Variants in MYH14 observed in about 807,000 individuals in gnomAD.
MYH14 encodes myosin-14.
MYH14 carries 123 observed loss-of-function variants against 255.5 expected under a neutral mutation model. That is an observed-to-expected ratio of 0.48 (90% CI 0.42 to 0.56). The LOEUF (loss-of-function observed/expected upper bound fraction) is 0.56. Among genes scored for constraint, MYH14 ranks in the 20% least tolerant of loss-of-function variants. The pLI is 0.00. For missense variants in MYH14, 2,423 were observed against 2,802.3 expected (o/e 0.86, Z 3.06); for synonymous variants, 1,095 against 1,161.2 (o/e 0.94, Z 1.16).
chr19:50,225,829 G>A (rs1298091039), intron 7 of MYH14, among the ~76,000 whole-genome samples, 152 bp downstream of exon 7: 168 of 133,216 alleles, frequency 1.3e-3, no homozygotes, highest in Middle Eastern at 4.1e-3. Flanking sequence ...GGGGCTGGGG[G>A]CCTGGACCCC....
Position 50,309,197 on chromosome 19 carries a change from A to G in MYH14, c.5960+20A>G. ...GCTTCGGTATGGTCATCCCACGTACAGGCCTGACGGGTGGGGAGCACCCTA... is the reference window on the plus strand; with the variant it reads ...GCTTCGGTATGGTCATCCCACGTACGGGCCTGACGGGTGGGGAGCACCCTA... On this transcript the variant is annotated intron_variant, in intron 42 of 42. Coordinates refer to ENST00000642316, the MANE Select transcript of MYH14 (RefSeq NM_001145809.2). 2 of 1,612,580 alleles carry G rather than the reference A, an allele frequency of 1.2e-6. No individual in the cohort carries two copies. The highest frequency in any genetic ancestry group is 1.7e-6 in the Non-Finnish European group (2 of 1,178,680).
intron 29 of MYH14, among the ~76,000 whole-genome samples, chr19:50,277,370 C>T (rs1247957274): frequency 6.6e-6 from 1 of 152,108 alleles, no homozygotes; most frequent in African/African-American, 2.4e-5. Context: ...CTTTGGGAGG[C>T]TGAGGCAGGC....
chr19:50,224,141 G>A lies in MYH14; in HGVS notation c.694-13G>A, dbSNP rs755612727. On this transcript the variant is annotated splice_polypyrimidine_tract_variant and intron_variant, in intron 5 of 42. Transcript: ENST00000642316. ...TGTCCTGGTCCGTGTCTCGTGTCCC[G>A]TGACTTCCTCAGGCCTCCGTCAGCA... The A allele has an allele frequency of 1.9e-5, 31 of 1,605,908 alleles. No homozygotes were observed. Among genetic ancestry groups the A allele is most frequent in the East Asian group, 9.0e-5 (4 of 44,402 alleles).
At chr19:50,290,571 A>G (rs932742493) in intron 35 of MYH14, among the ~76,000 whole-genome samples, 2 of 152,154 alleles carry the variant, frequency 1.3e-5, no homozygotes, top group Non-Finnish European at 2.9e-5. Flanking sequence ...TGACTTAGAC[A>G]TGGCTGAGTG....
chr19:50,301,739 C>T lies in MYH14; in HGVS notation c.5548C>T (p.Arg1850Trp), dbSNP rs201474958. The change falls in exon 40 of 43, where the codon CGG becomes TGG. Residue 1850 changes from arginine to tryptophan, a missense_variant. By Grantham distance (101) the Arg-to-Trp change is moderately radical. Transcript: ENST00000642316. ...AGAGAGCGGGCGGCAGCAGCTGGAA[C>T]GGCAGATCCAGGAGCTACGGGGACG... ...KAESGRQQLE[R>W]QIQELRGRLG... 23 of 1,613,914 alleles carry T rather than the reference C, an allele frequency of 1.4e-5. No homozygotes were observed. In the Middle Eastern group the frequency reaches 5.0e-4, roughly 35 times the overall value.
Position 50,272,547 on chromosome 19 carries a change from C to T in MYH14, c.3296-13C>T, listed in dbSNP as rs564779542. Reference sequence around the variant, plus strand: ...CTGGAGTCCTCATGCACGGCCCCCACCCCTGCCTCCAGACCGCCTACGGAA... The same window carrying T: ...CTGGAGTCCTCATGCACGGCCCCCATCCCTGCCTCCAGACCGCCTACGGAA... On this transcript the variant is annotated splice_polypyrimidine_tract_variant and intron_variant, in intron 26 of 42. Coordinates refer to ENST00000642316, the MANE Select transcript of MYH14 (RefSeq NM_001145809.2). 23 of 1,559,616 alleles carry T rather than the reference C, an allele frequency of 1.5e-5. No homozygotes were observed. The highest frequency in any genetic ancestry group is 5.8e-5 in the Admixed American group (3 of 51,660).
chr19:50,247,269 G>A (rs1457944407), intron 12 of MYH14, 147 bp downstream of exon 12: 4 of 613,962 alleles, frequency 6.5e-6, no homozygotes, highest in East Asian at 5.6e-5. Context: ...GGTGCCAGGC[G>A]TAAAAGCAGT....
intron 10 of MYH14, among the ~76,000 whole-genome samples, chr19:50,241,433 C>G (rs1324263528): frequency 1.3e-5 from 2 of 150,724 alleles, no homozygotes; most frequent in Admixed American, 1.3e-4. Context: ...GACTCTATCT[C>G]AAAAGAAAAA....
intron 1 of MYH14, 49 bp from the exon 2 acceptor site, chr19:50,210,313 CG>C: frequency 2.7e-6 from 4 of 1,487,242 alleles, no homozygotes; most frequent in East Asian, 2.6e-5. Context: ...AAGGGAGGCC[CG>C]GGGGACGGAG....
chr19:50,236,151 A>G (rs546897885), intron 10 of MYH14, among the ~76,000 whole-genome samples: 41 of 151,552 alleles, frequency 2.7e-4, no homozygotes, highest in Non-Finnish European at 4.4e-4. Context: ...GGGCAACATG[A>G]TGCAACCTCG....
Position 50,252,580 on chromosome 19 carries a change from AAATCCAGAGAATGTCTGAGCCTGC to A in MYH14, c.1831-56_1831-33del. The A allele has an allele frequency of 8.2e-7, 1 of 1,224,924 alleles. No individual in the cohort carries two copies. Among genetic ancestry groups the A allele is most frequent in the Non-Finnish European group, 1.2e-6 (1 of 849,922 alleles). 75.9% of individuals were successfully genotyped at this position (1,224,924 alleles called of 1,614,324 possible). A position where few individuals can be genotyped will look rare whatever the true frequency, so the allele number is the denominator to read the frequency against. On this transcript the variant is annotated intron_variant, in intron 15 of 42. Coordinates refer to ENST00000642316, the MANE Select transcript of MYH14 (RefSeq NM_001145809.2). This position sits in a 1 kb window ranked among gnomAD's most constrained non-coding sequence, Gnocchi z 4.2. ...CAGAGCTTCTGGAAGGCTCCTTAGG[AAATCCAGAGAATGTCTGAGCCTGC>A]AAGTCATCGCCCTCCTCTACCTGAC...
intron 2 of MYH14, 78 bp from the exon 3 acceptor site, chr19:50,217,537 G>GA: frequency 1.3e-6 from 2 of 1,553,172 alleles, no homozygotes; most frequent in Non-Finnish European, 8.9e-7. Context: ...TGCAGTGCAC[G>GA]GCCTGCTCAG....
chr19:50,247,191 G>A, intron 12 of MYH14, 69 bp downstream of exon 12: 3 of 1,103,194 alleles, frequency 2.7e-6, no homozygotes, highest in Non-Finnish European at 4.1e-6. Flanking sequence ...TTTAAACAGT[G>A]TATGCTGTTT....
At chr19:50,210,965 G>C (rs1297302476) in intron 2 of MYH14, among the ~76,000 whole-genome samples, 195 bp downstream of exon 2, 1 of 152,176 alleles carries the variant, frequency 6.6e-6, no homozygotes, top group Non-Finnish European at 1.5e-5. Flanking sequence ...GAACCTACTG[G>C]GGACATTGCA....
intron 33 of MYH14, among the ~76,000 whole-genome samples, chr19:50,283,471 T>C (rs904266606): frequency 1.3e-5 from 2 of 152,246 alleles, no homozygotes; most frequent in African/African-American, 4.8e-5. Context: ...CAATAATGTA[T>C]TCCATGTATC....
chr19:50,257,176 G>A, intron 17 of MYH14, 123 bp from the exon 18 acceptor site: 2 of 722,626 alleles, frequency 2.8e-6, no homozygotes, highest in Middle Eastern at 4.0e-4. Flanking sequence ...CTTACAGGCT[G>A]TGTGAGGTCC....
At chr19:50,281,541 C>T in intron 32 of MYH14, 53 bp from the exon 33 acceptor site, 1 of 1,522,918 alleles carries the variant, frequency 6.6e-7, no homozygotes, top group Non-Finnish European at 8.8e-7. Context: ...CCAGCTTACA[C>T]CTTGGTCACT....
chr19:50,291,117 G>T, intron 36 of MYH14, 69 bp downstream of exon 36: 1 of 1,522,324 alleles, frequency 6.6e-7, no homozygotes. Context: ...TCACTCCAGG[G>T]TCTAAGGCTA....
At position 50,310,396 on chromosome 19, in the gene MYH14, AC is replaced by A. The variant is rs1202529988; in HGVS notation, c.*610del. 1 of 154,424 alleles carries A rather than the reference AC, an allele frequency of 6.5e-6. No individual in the cohort carries two copies. The highest frequency in any genetic ancestry group is 1.4e-5 in the Non-Finnish European group (1 of 69,988). 9.6% of individuals were successfully genotyped at this position (154,424 alleles called of 1,614,324 possible). ...CCTTGCAAAGGGGCAGGACAAGGGG[AC>A]CCCTCTCACTCCTGCTGCTGCCCAT... On this transcript the variant is annotated 3_prime_UTR_variant, in exon 43 of 43. Coordinates refer to ENST00000642316, the MANE Select transcript of MYH14 (RefSeq NM_001145809.2).
Sources: gnomAD v4.1 joint callset for allele counts (sites outside exome capture counted in the v4.1 genomes callset) on GRCh38, gnomAD v4.1.1 for gene constraint, Gnocchi (gnomAD v3.1) non-coding constraint, MANE v1.5 for transcripts, NCBI Gene and HGNC (gene_info 2026-07-23, HGNC 2026-07-21) for gene names.